The following CFAP77 variants were observed in gnomAD, a reference collection of about 807,000 sequenced individuals.
The protein encoded by CFAP77 is cilia and flagella associated protein 77.
In CFAP77, 25 loss-of-function variants were observed where a neutral mutation model predicts 31.1. The observed-to-expected ratio is 0.80, with a 90% CI of 0.59 to 1.12. The LOEUF (loss-of-function observed/expected upper bound fraction) is 1.12. Ranked by LOEUF, CFAP77 falls within the 50% of genes most tolerant of loss-of-function variation. The pLI, the probability that CFAP77 is intolerant of heterozygous loss-of-function variation, is 0.00. For missense variants in CFAP77, 377 were observed against 397.3 expected, an observed-to-expected ratio of 0.95 and a Z score of 0.44; for synonymous variants, 151 against 159.9, an observed-to-expected ratio of 0.94 and a Z score of 0.42.
At chr9:132,519,480 A>T in intron 3 of CFAP77, among the ~76,000 whole-genome samples, 1 of 7,216 alleles carries the variant, frequency 1.4e-4, no homozygotes. Flanking sequence ...GGATGGATGG[A>T]TGAGTGGGTG....
intron 1 of CFAP77, among the ~76,000 whole-genome samples, chr9:132,423,464 C>T (rs1334095644): frequency 2.0e-5 from 3 of 152,224 alleles, no homozygotes; most frequent in Non-Finnish European, 4.4e-5. Context: ...CTGTGCCTCT[C>T]CCTTACATCT....
chr9:132,501,075 G>C lies in CFAP77; in HGVS notation c.524+1475G>C, dbSNP rs1437550369. Reference sequence around the variant, plus strand: ...CAGACATGACCCATGTCCCAACCCTGGCACACATGACATTCTATAAAAGCA... The same window carrying C: ...CAGACATGACCCATGTCCCAACCCTCGCACACATGACATTCTATAAAAGCA... On this transcript the variant is annotated intron_variant, in intron 3 of 5. Transcript: ENST00000393216. This position sits in a 1 kb window ranked among gnomAD's most constrained non-coding sequence, Gnocchi z 4.6. 6.6e-6 allele frequency among the ~76,000 whole-genome samples: 1 copy of C among 152,226 alleles called. No homozygotes were observed. The highest frequency in any genetic ancestry group is 2.4e-5 in the African/African-American group (1 of 41,452).
At chr9:132,443,003 AC>A (rs1454365764) in intron 1 of CFAP77, among the ~76,000 whole-genome samples, 1 of 149,916 alleles carries the variant, frequency 6.7e-6, no homozygotes, top group African/African-American at 2.5e-5. Context: ...CTAACCACTA[AC>A]CTGCCTTTTG....
chr9:132,572,675 CT>C lies in CFAP77; in HGVS notation c.*169del. 1.4e-6 allele frequency: 1 copy of C among 720,082 alleles called. No individual in the cohort carries two copies. Among genetic ancestry groups the C allele is most frequent in the Non-Finnish European group, 2.2e-6 (1 of 453,090 alleles). 44.6% of individuals were successfully genotyped at this position (720,082 alleles called of 1,614,324 possible). A position where few individuals can be genotyped will look rare whatever the true frequency, so the allele number is the denominator to read the frequency against. On this transcript the variant is annotated 3_prime_UTR_variant, in exon 6 of 6. Transcript: ENST00000393216. Reference sequence around the variant, plus strand: ...TAATTGTTTTTGGTAAAAGTCCCCCCTTTTAGGTTAGCCAACATTAGTCTCC... The same window carrying C: ...TAATTGTTTTTGGTAAAAGTCCCCCCTTTAGGTTAGCCAACATTAGTCTCC...
chr9:132,465,073 C>CAAAAAAAAAAAA (rs773917029), intron 1 of CFAP77, among the ~76,000 whole-genome samples: 24 of 82,508 alleles, frequency 2.9e-4, no homozygotes, highest in African/African-American at 3.7e-4. Flanking sequence ...GACTCTGTCT[C>CAAAAAAAAAAAA]AAAAAAAAAA....
At position 132,481,763 on chromosome 9, in the gene CFAP77, C is replaced by T. The variant is rs988063646; in HGVS notation, c.196-16932C>T. ...GGCTTCGTTTTAGGGACGCCTCCTC[C>T]GCCTCAGCTATCTGCTATGCTAACA... On this transcript the variant is annotated intron_variant, in intron 1 of 5. Transcript: ENST00000393216. The surrounding 1 kb of genome is among the most constrained non-coding windows in gnomAD (Gnocchi z 5.0). 3.3e-5 allele frequency among the ~76,000 whole-genome samples: 5 copies of T among 152,218 alleles called. No individual in the cohort carries two copies. Among genetic ancestry groups the T allele is most frequent in the Admixed American group, 6.5e-5 (1 of 15,286 alleles).
chr9:132,437,126 C>T (rs892839176), intron 1 of CFAP77, among the ~76,000 whole-genome samples: 3 of 152,094 alleles, frequency 2.0e-5, no homozygotes, highest in Non-Finnish European at 4.4e-5. Flanking sequence ...TCAGGTAACT[C>T]GATGCATAAA....
At position 132,439,643 on chromosome 9, in the gene CFAP77, G is replaced by A. The variant is rs552431990; in HGVS notation, c.195+29177G>A. 3.3e-5 allele frequency among the ~76,000 whole-genome samples: 5 copies of A among 152,038 alleles called. No individual in the cohort carries two copies. The South Asian group carries it at 1.0e-3, about 32-fold the overall frequency. On this transcript the variant is annotated intron_variant, in intron 1 of 5. Transcript: ENST00000393216. ...GGGCAGATCACGAGGTCAGGAGATC[G>A]AGACCATCCTGGCTAACATGGTGAA...
chr9:132,559,269 C>T (rs577530564), intron 5 of CFAP77, among the ~76,000 whole-genome samples: 162 of 139,742 alleles, frequency 1.2e-3, no homozygotes, highest in African/African-American at 4.2e-3. Context: ...GGCATGAACC[C>T]GGGAGGCGGA....
At chr9:132,483,315 A>G (rs1487617521) in intron 1 of CFAP77, among the ~76,000 whole-genome samples, 1 of 151,398 alleles carries the variant, frequency 6.6e-6, no homozygotes, top group Non-Finnish European at 1.5e-5. Flanking sequence ...AACAACAAAA[A>G]CTCACCCTTC....
At chr9:132,506,433 A>C (rs1309938147) in intron 3 of CFAP77, among the ~76,000 whole-genome samples, 1 of 151,984 alleles carries the variant, frequency 6.6e-6, no homozygotes, top group Non-Finnish European at 1.5e-5. Context: ...GTCGATTATG[A>C]TGAGTCAGGG....
chr9:132,502,805 T>G (rs562357961), intron 3 of CFAP77, among the ~76,000 whole-genome samples: 1 of 152,326 alleles, frequency 6.6e-6, no homozygotes, highest in South Asian at 2.1e-4. Context: ...CTTTCAGTTC[T>G]TTTGGGTGTA....
chr9:132,447,320 GT>G (rs1850742942), intron 1 of CFAP77, among the ~76,000 whole-genome samples: 1 of 152,218 alleles, frequency 6.6e-6, no homozygotes, highest in African/African-American at 2.4e-5. Flanking sequence ...GATGCAGAGA[GT>G]GAACTGGGTG....
chr9:132,458,357 G>GGGCGGGGGGGGGGGT (rs139008147), intron 1 of CFAP77, among the ~76,000 whole-genome samples: 1 of 119,046 alleles, frequency 8.4e-6, no homozygotes, highest in Non-Finnish European at 1.7e-5. Flanking sequence ...GAGGGGGGGG[G>GGGCGGGGGGGGGGGT]GTGTGTATGG....
chr9:132,505,171 A>G (rs1368909191), intron 3 of CFAP77, among the ~76,000 whole-genome samples: 4 of 152,206 alleles, frequency 2.6e-5, no homozygotes, highest in African/African-American at 9.6e-5. Flanking sequence ...CCACCCTGTG[A>G]GCTACGATTC....
chr9:132,487,051 CG>C (rs1851573937), intron 1 of CFAP77, among the ~76,000 whole-genome samples: 1 of 152,256 alleles, frequency 6.6e-6, no homozygotes, highest in South Asian at 2.1e-4. Flanking sequence ...GGCCTGAGGA[CG>C]CCTGGAGGGG....
intron 1 of CFAP77, among the ~76,000 whole-genome samples, chr9:132,428,814 C>A (rs573671548): frequency 1.3e-5 from 2 of 151,442 alleles, no homozygotes; most frequent in South Asian, 2.1e-4. Context: ...CTTTGAAGAC[C>A]CCCCCCTGCT....
intron 1 of CFAP77, among the ~76,000 whole-genome samples, chr9:132,459,587 G>GTATA (rs35659490): frequency 4.0e-5 from 6 of 151,590 alleles, no homozygotes; most frequent in African/African-American, 1.5e-4. Context: ...GTATGTGTAT[G>GTATA]TATATATATA....
chr9:132,557,401 C>G (rs1284675005), intron 5 of CFAP77, among the ~76,000 whole-genome samples: 1 of 152,224 alleles, frequency 6.6e-6, no homozygotes, highest in Non-Finnish European at 1.5e-5. Flanking sequence ...GCACCGAAGT[C>G]GGTCGACTCT....
Sources: gnomAD v4.1 joint callset for allele counts (sites outside exome capture counted in the v4.1 genomes callset) on GRCh38, gnomAD v4.1.1 for gene constraint, Gnocchi (gnomAD v3.1) non-coding constraint, MANE v1.5 for transcripts, NCBI Gene and HGNC (gene_info 2026-07-23, HGNC 2026-07-21) for gene names.